The following WWOX variants were observed in gnomAD, a reference collection of about 807,000 sequenced individuals.
The protein encoded by WWOX is WW domain containing oxidoreductase.
In WWOX, 69 loss-of-function variants were observed where a neutral mutation model predicts 46.2. The ratio of observed to expected loss-of-function variants is 1.49; its 90% CI spans 1.23 to 1.82. The LOEUF (loss-of-function observed/expected upper bound fraction) is 1.82. WWOX is among the 40% of genes most tolerant of loss of function. WWOX has a pLI of 0.00. For synonymous variants in WWOX, 359 were observed against 202.6 expected (o/e 1.77, Z -6.56); for missense variants, 919 against 542.6 (o/e 1.69, Z -6.89).
intron 5 of WWOX, among the ~76,000 whole-genome samples, chr16:78,375,777 A>G (rs1196623933): frequency 6.6e-6 from 1 of 152,128 alleles, no homozygotes; most frequent in African/African-American, 2.4e-5. Context: ...TCAGTGGCCA[A>G]CAAAACAAAA....
chr16:78,682,169 A>G (rs992219741), intron 8 of WWOX, among the ~76,000 whole-genome samples: 4 of 152,172 alleles, frequency 2.6e-5, no homozygotes, highest in Non-Finnish European at 2.9e-5. Flanking sequence ...ATTATTTTTT[A>G]CACCTACAAA....
intron 8 of WWOX, among the ~76,000 whole-genome samples, chr16:78,652,593 C>T (rs1311464990): frequency 1.3e-5 from 2 of 152,102 alleles, no homozygotes; most frequent in African/African-American, 4.8e-5. Flanking sequence ...TTCGGGGTCT[C>T]CCTGTGTTAC....
In WWOX at chr16:78,512,921, C is replaced by T. The variant is rs373284218; in HGVS notation, c.1056+80169C>T. Among the ~76,000 whole-genome samples the T allele has an allele frequency of 2.6e-5, 4 of 152,282 alleles. 1 individual carries two copies. Among genetic ancestry groups the T allele is most frequent in the African/African-American group, 9.6e-5 (4 of 41,562 alleles). The stretch of plus-strand genomic sequence containing the variant: ...TACCCAGTCTTACTTTTCAGGCAGT[C>T]CCAGGCAGGAAGGCCCATTAGTGAA... On this transcript the variant is annotated intron_variant, in intron 8 of 8. Transcript: ENST00000566780.
intron 8 of WWOX, among the ~76,000 whole-genome samples, chr16:78,481,169 A>G (rs2084476290): frequency 1.3e-5 from 2 of 152,210 alleles, no homozygotes; most frequent in Non-Finnish European, 2.9e-5. Context: ...TAATAGAATG[A>G]TCCAAGTTTA....
At chr16:78,196,753 G>C (rs544460181) in intron 5 of WWOX, among the ~76,000 whole-genome samples, 3 of 152,232 alleles carry the variant, frequency 2.0e-5, no homozygotes, top group South Asian at 2.1e-4. Flanking sequence ...GCCCTATTTT[G>C]CTTCTGCAAT....
intron 8 of WWOX, among the ~76,000 whole-genome samples, chr16:79,031,855 TATATATAG>T (rs1157619957): frequency 5.0e-5 from 7 of 139,644 alleles, no homozygotes; most frequent in African/African-American, 1.9e-4. Context: ...TTATATATTA[TATATATAG>T]ATAGATATCT....
At chr16:78,683,892 C>T (rs1240256380) in intron 8 of WWOX, among the ~76,000 whole-genome samples, 3 of 152,166 alleles carry the variant, frequency 2.0e-5, no homozygotes, top group Non-Finnish European at 2.9e-5. Flanking sequence ...GCCACCTCTT[C>T]TAAGAAAAAG....
intron 8 of WWOX, chr16:78,899,262 C>A (rs1325937352): frequency 1.3e-5 from 2 of 152,042 alleles, no homozygotes; most frequent in African/African-American, 2.4e-5. Flanking sequence ...GCTGAGAGTT[C>A]TTTTATAAAT....
At chr16:78,710,760 T>G (rs1333880479) in intron 8 of WWOX, among the ~76,000 whole-genome samples, 3 of 151,148 alleles carry the variant, frequency 2.0e-5, no homozygotes, top group Non-Finnish European at 4.4e-5. Context: ...GACCGCAGGT[T>G]CATGCTACCG....
At chr16:79,039,984 AT>A (rs1435974193) in intron 8 of WWOX, among the ~76,000 whole-genome samples, 3 of 152,162 alleles carry the variant, frequency 2.0e-5, no homozygotes, top group African/African-American at 7.2e-5. Flanking sequence ...ATGCTGGTAC[AT>A]TTCATCAAAG....
chr16:78,925,004 G>C (rs1301955773), intron 8 of WWOX, among the ~76,000 whole-genome samples: 2 of 152,110 alleles, frequency 1.3e-5, no homozygotes, highest in African/African-American at 2.4e-5. Context: ...AGACCAGCCT[G>C]GGCAACATGG....
At chr16:78,221,493 C>G (rs1248431913) in intron 5 of WWOX, among the ~76,000 whole-genome samples, 1 of 152,142 alleles carries the variant, frequency 6.6e-6, no homozygotes, top group Non-Finnish European at 1.5e-5. Context: ...TGGGTAGAGA[C>G]ATGGATATTT....
At chr16:79,111,210 T>G (rs542601706) in intron 8 of WWOX, among the ~76,000 whole-genome samples, 1 of 152,228 alleles carries the variant, frequency 6.6e-6, no homozygotes, top group Non-Finnish European at 1.5e-5. Context: ...CTTTATGGTA[T>G]GACCAAGGGC....
At position 79,208,642 on chromosome 16, in the gene WWOX, A is replaced by G. The variant is rs895101468; in HGVS notation, c.1057-2966A>G. On this transcript the variant is annotated intron_variant, in intron 8 of 8. Coordinates refer to ENST00000566780, the MANE Select transcript of WWOX (RefSeq NM_016373.4). The stretch of plus-strand genomic sequence containing the variant: ...AAAGTGCTCTTTAAATTTTTTTTTT[A>G]ATCAGTTTAAGAATGCTTTCTCTTT... Among the ~76,000 whole-genome samples, 6 of 120,542 alleles carry G rather than the reference A, an allele frequency of 5.0e-5. No homozygotes were observed. In the East Asian group the frequency reaches 1.3e-3, roughly 25 times the overall value. 79.1% of individuals were successfully genotyped at this position (120,542 alleles called of 152,430 possible).
chr16:78,718,730 G>A (rs944769209), intron 8 of WWOX, among the ~76,000 whole-genome samples: 1 of 151,872 alleles, frequency 6.6e-6, no homozygotes, highest in African/African-American at 2.4e-5. Flanking sequence ...GAGTTCCAAT[G>A]TTTCTGAAGG....
intron 8 of WWOX, among the ~76,000 whole-genome samples, chr16:78,931,127 G>T (rs923403515): frequency 3.9e-5 from 6 of 152,156 alleles, no homozygotes; most frequent in East Asian, 1.9e-4. Context: ...CAAAATAAAA[G>T]GTCCTATCAT....
At chr16:79,152,535 G>T (rs995745365) in intron 8 of WWOX, among the ~76,000 whole-genome samples, 3 of 152,104 alleles carry the variant, frequency 2.0e-5, no homozygotes, top group African/African-American at 7.2e-5. Context: ...GCTGGGCGTG[G>T]TGGCGTGTTC....
intron 8 of WWOX, among the ~76,000 whole-genome samples, chr16:78,795,573 A>G (rs541032355): frequency 1.0e-3 from 155 of 152,322 alleles, no homozygotes; most frequent in Non-Finnish European, 1.7e-3. Flanking sequence ...AATTTCTCAC[A>G]CAGATTTCTG....
intron 5 of WWOX, among the ~76,000 whole-genome samples, chr16:78,194,883 C>T (rs1416005696): frequency 1.3e-5 from 2 of 152,188 alleles, no homozygotes; most frequent in African/African-American, 4.8e-5. Context: ...TTACGTGTTC[C>T]ATTTCTTGTT....
Sources: gnomAD v4.1 joint callset for allele counts (sites outside exome capture counted in the v4.1 genomes callset) on GRCh38, gnomAD v4.1.1 for gene constraint, MANE v1.5 for transcripts, NCBI Gene and HGNC (gene_info 2026-07-23, HGNC 2026-07-21) for gene names.